ZNF680: variants seen among roughly 807,000 people sequenced by gnomAD.
ZNF680 encodes the protein hypothetical protein FLJ90430.
A neutral mutation model predicts 12.1 loss-of-function variants in ZNF680; 6 were observed. The observed-to-expected ratio is 0.49, with a 90% confidence interval of 0.27 to 0.98. ZNF680 has a LOEUF of 0.98. Among genes scored for constraint, ZNF680 ranks in the 50% least tolerant of loss-of-function variants. ZNF680 has a pLI of 0.12. For missense variants in ZNF680, 561 were observed against 616.3 expected (o/e 0.91, Z 0.95); for synonymous variants, 170 against 199.3 (o/e 0.85, Z 1.24).
chr7:64,513,672 T>G, the ZNF680 span, among the ~76,000 whole-genome samples: 1 of 152,046 alleles, frequency 6.6e-6, no homozygotes, highest in Non-Finnish European at 1.5e-5. Context: ...TTAAGATAGA[T>G]TCTCGCTCTG....
chr7:64,554,532 C>T (rs1172183109), intron 1 of ZNF680, among the ~76,000 whole-genome samples: 3 of 152,066 alleles, frequency 2.0e-5, no homozygotes, highest in Non-Finnish European at 4.4e-5. Flanking sequence ...ATGACAATGG[C>T]GGTTTTTGTC....
At chr7:64,547,847 AAAT>A (rs1160135622) in intron 1 of ZNF680, among the ~76,000 whole-genome samples, 1 of 152,222 alleles carries the variant, frequency 6.6e-6, no homozygotes, top group Non-Finnish European at 1.5e-5. Context: ...TAAGGCCCTA[AAAT>A]AAATATTTTT....
At chr7:64,533,016 C>T (rs776041429) in intron 3 of ZNF680, among the ~76,000 whole-genome samples, 6 of 152,138 alleles carry the variant, frequency 3.9e-5, no homozygotes, top group Admixed American at 3.9e-4. Flanking sequence ...AAGGGACATA[C>T]CTCCACGTAA....
At chr7:64,523,350 T>C (rs926202386) in intron 3 of ZNF680, among the ~76,000 whole-genome samples, 4 of 152,012 alleles carry the variant, frequency 2.6e-5, no homozygotes, top group African/African-American at 9.7e-5. Context: ...AGGTTTTATG[T>C]AATCCCCAAG....
At chr7:64,552,586 TA>T (rs1471954605) in intron 1 of ZNF680, among the ~76,000 whole-genome samples, 3 of 152,234 alleles carry the variant, frequency 2.0e-5, no homozygotes, top group African/African-American at 7.2e-5. Flanking sequence ...GTAAGACTAG[TA>T]TCTACTGTAA....
At chr7:64,538,945 A>G (rs1786327117) in intron 3 of ZNF680, among the ~76,000 whole-genome samples, 1 of 152,050 alleles carries the variant, frequency 6.6e-6, no homozygotes, top group Admixed American at 6.6e-5. Flanking sequence ...AGCTTTGCCA[A>G]CATGGTGAAA....
At chr7:64,524,188 C>A (rs1420407466) in intron 3 of ZNF680, among the ~76,000 whole-genome samples, 2 of 146,414 alleles carry the variant, frequency 1.4e-5, no homozygotes, top group African/African-American at 5.1e-5. Flanking sequence ...GCTCTTGTTG[C>A]CTAGGCTGGA....
At chr7:64,528,277 T>C (rs896510094) in intron 3 of ZNF680, among the ~76,000 whole-genome samples, 1 of 152,072 alleles carries the variant, frequency 6.6e-6, no homozygotes, top group African/African-American at 2.4e-5. Context: ...TTTGTGACAA[T>C]TTGAACCAGC....
chr7:64,509,091 T>C, the ZNF680 span, among the ~76,000 whole-genome samples: 1 of 152,188 alleles, frequency 6.6e-6, no homozygotes, highest in Non-Finnish European at 1.5e-5. Context: ...TCCAATGAGT[T>C]TGAACAGTTG....
At chr7:64,540,497 G>T (rs949142528) in intron 3 of ZNF680, among the ~76,000 whole-genome samples, 1 of 151,898 alleles carries the variant, frequency 6.6e-6, no homozygotes, top group Non-Finnish European at 1.5e-5. Context: ...TAGAGATGGG[G>T]CTTCACCATA....
At chr7:64,561,858 C>T (rs1256800061) in intron 1 of ZNF680, among the ~76,000 whole-genome samples, 2 of 149,352 alleles carry the variant, frequency 1.3e-5, no homozygotes, top group Non-Finnish European at 3.0e-5. Context: ...TGGCGTCAAC[C>T]CAGGAGGCGG....
chr7:64,532,414 G>A (rs917259687), intron 3 of ZNF680, among the ~76,000 whole-genome samples: 2 of 152,042 alleles, frequency 1.3e-5, no homozygotes, highest in African/African-American at 2.4e-5. Flanking sequence ...TCAAGGCTAC[G>A]ATGAATACCT....
At chr7:64,562,181 G>A (rs1562784679) in intron 1 of ZNF680, among the ~76,000 whole-genome samples, 1 of 148,566 alleles carries the variant, frequency 6.7e-6, no homozygotes, top group Non-Finnish European at 1.5e-5. Flanking sequence ...GTAGTGAGCC[G>A]AGATCGTGCC....
chr7:64,538,061 AT>A (rs1417736799), intron 3 of ZNF680, among the ~76,000 whole-genome samples: 1 of 152,014 alleles, frequency 6.6e-6, no homozygotes, highest in East Asian at 1.9e-4. Context: ...TTTCAAAAAA[AT>A]AACGTTGAAA....
the ZNF680 span, among the ~76,000 whole-genome samples, chr7:64,506,217 G>A: frequency 8.4e-6 from 1 of 119,432 alleles, no homozygotes; most frequent in African/African-American, 3.3e-5. Context: ...TTTTTTTTGA[G>A]ACGGAGTCTT....
rs116032699 is a variant in ZNF680 at position 64,532,434 on chromosome 7, T to C, written c.254-9934A>G. 8.5e-3 allele frequency among the ~76,000 whole-genome samples: 1,293 copies of C among 152,130 alleles called. 15 individuals are homozygous for C. Among genetic ancestry groups the C allele is most frequent in the African/African-American group, 0.03 (1,247 of 41,496 alleles). On this transcript the variant is annotated intron_variant, in intron 3 of 3. Coordinates refer to ENST00000309683, the MANE Select transcript of ZNF680 (RefSeq NM_178558.5). ...GCTACGATGAATACCTTTACACACA[T>C]AAACTCGAAAACCTAGAAGAGATGA...
intron 3 of ZNF680, among the ~76,000 whole-genome samples, chr7:64,529,201 G>A (rs557442740): frequency 1.3e-5 from 2 of 152,250 alleles, no homozygotes; most frequent in Admixed American, 6.5e-5. Flanking sequence ...CAGAGCCTAC[G>A]CCACTGCAAA....
intron 2 of ZNF680, 144 bp downstream of exon 2, chr7:64,544,162 T>A: frequency 7.8e-7 from 1 of 1,279,362 alleles, no homozygotes; most frequent in Non-Finnish European, 1.1e-6. Context: ...AATTTTTTTC[T>A]ACATGGACAA....
chr7:64,520,686 T>C lies in ZNF680; in HGVS notation c.*475A>G, dbSNP rs973717864. On this transcript the variant is annotated 3_prime_UTR_variant, in exon 4 of 4. Coordinates refer to ENST00000309683, the MANE Select transcript of ZNF680 (RefSeq NM_178558.5). The stretch of plus-strand genomic sequence containing the variant: ...AAATTCCCTGATGTTGAACAAAGTT[T>C]GAGCAACTGCTTCAGTGTTTTTCTC... The C allele has an allele frequency of 3.9e-5, 6 of 152,094 alleles. No homozygotes were observed. Among genetic ancestry groups the C allele is most frequent in the African/African-American group, 1.2e-4 (5 of 41,454 alleles). The allele number at this position is 152,094 out of a possible 1,614,324, so 9.4% of individuals were successfully genotyped here.
Sources: allele counts gnomAD v4.1 joint callset (sites outside exome capture counted in the v4.1 genomes callset), GRCh38; gene constraint gnomAD v4.1.1; transcripts MANE v1.5; gene names NCBI Gene and HGNC (gene_info 2026-07-23, HGNC 2026-07-21).